PRPF3: variants seen among roughly 807,000 people sequenced by gnomAD.
PRPF3 encodes U4/U6 small nuclear ribonucleoprotein Prp3.
A neutral mutation model predicts 89.2 loss-of-function variants in PRPF3; 3 were observed. The observed-to-expected ratio is 0.03, with a 90% CI of 0.02 to 0.09. The LOEUF is 0.09. Among genes scored for constraint, PRPF3 ranks in the 10% least tolerant of loss-of-function variants. The probability of loss-of-function intolerance (pLI) is 1.00; values close to 1 mark genes in which losing one functional copy is unlikely to be tolerated. For synonymous variants in PRPF3, 270 were observed against 289.1 expected (o/e 0.93, Z 0.67); for missense variants, 463 against 828.8 (o/e 0.56, Z 5.42).
chr1:150,338,703 CAG>C (rs1211676353), intron 8 of PRPF3, among the ~76,000 whole-genome samples: 2 of 152,128 alleles, frequency 1.3e-5, no homozygotes, highest in African/African-American at 4.8e-5. Flanking sequence ...TTGATAGAGA[CAG>C]GGTTTTGCCA....
At chr1:150,344,126 C>T (rs1553872182) in intron 10 of PRPF3, 36 bp from the exon 11 acceptor site, 2 of 1,566,850 alleles carry the variant, frequency 1.3e-6, no homozygotes, top group Non-Finnish European at 1.8e-6. Flanking sequence ...GGAGAAGTGA[C>T]TTCAAAGACT....
intron 4 of PRPF3, chr1:150,329,733 T>G (rs1553864886): frequency 6.6e-6 from 1 of 152,196 alleles, no homozygotes; most frequent in Non-Finnish European, 1.5e-5. Context: ...TTTGCATATA[T>G]GTGATATTTA....
At chr1:150,329,264 A>G (rs1361461588) in intron 4 of PRPF3, among the ~76,000 whole-genome samples, 1 of 152,080 alleles carries the variant, frequency 6.6e-6, no homozygotes, top group Admixed American at 6.6e-5. Flanking sequence ...TCCTGGCCTC[A>G]AGTGATCTGC....
intron 7 of PRPF3, among the ~76,000 whole-genome samples, chr1:150,337,655 G>A (rs1657177973): frequency 6.6e-6 from 1 of 151,646 alleles, no homozygotes; most frequent in Non-Finnish European, 1.5e-5. Context: ...ATGGGCGCCT[G>A]TAGTCCCAGC....
intron 7 of PRPF3, among the ~76,000 whole-genome samples, chr1:150,337,857 C>T (rs1553868566): frequency 6.6e-6 from 1 of 152,018 alleles, no homozygotes; most frequent in African/African-American, 2.4e-5. Context: ...GGCAGATCAC[C>T]TGAGGTCGGG....
intron 14 of PRPF3, among the ~76,000 whole-genome samples, chr1:150,348,460 A>ATTTTTTTTTTTTTT (rs1185909509): frequency 0.049 from 2,374 of 48,332 alleles, 785 homozygotes; most frequent in East Asian, 0.16. Flanking sequence ...CTACACGTGC[A>ATTTTTTTTTTTTTT]TTTTTTTTTT....
chr1:150,352,393 CG>C (rs1659022338), intron 15 of PRPF3, among the ~76,000 whole-genome samples: 1 of 152,190 alleles, frequency 6.6e-6, no homozygotes, highest in African/African-American at 2.4e-5. Context: ...AGGCCGGGCG[CG>C]GTGGCTCACG....
At chr1:150,352,778 A>G (rs1553874684) in intron 15 of PRPF3, 55 bp from the exon 16 acceptor site, 6 of 1,559,210 alleles carry the variant, frequency 3.8e-6, no homozygotes, top group East Asian at 4.7e-5. Flanking sequence ...ATAAAAGAAT[A>G]TTATCTGATT....
chr1:150,343,207 A>C, intron 9 of PRPF3, 102 bp from the exon 10 acceptor site: 1 of 725,868 alleles, frequency 1.4e-6, no homozygotes. Context: ...GTGCCATTGC[A>C]CTCCAACCTG....
chr1:150,345,964 C>A, intron 12 of PRPF3, 54 bp from the exon 13 acceptor site: 1 of 1,370,600 alleles, frequency 7.3e-7, no homozygotes, highest in Non-Finnish European at 1.0e-6. Context: ...CCACTCCATT[C>A]AGGCAGCTGC....
rs2101943634 is a variant in PRPF3 at position 150,325,044 on chromosome 1, A to T, written c.102A>T (p.Ala34=). The part of the protein sequence containing the change: ...GFSEPTVVTA[A]LNCVGKGMDK... ...CAGAGCCTACGGTGGTCACAGCAGCATTGAACTGTGTGGGGAAGGGCATGG... is the reference window on the plus strand; with the variant it reads ...CAGAGCCTACGGTGGTCACAGCAGCTTTGAACTGTGTGGGGAAGGGCATGG... Residue 34 remains alanine (A), a synonymous_variant, in exon 2 of 16, where the codon GCA becomes GCT. Transcript: ENST00000324862. The T allele has an allele frequency of 2.5e-6, 4 of 1,613,964 alleles. No homozygotes were observed. The highest frequency in any genetic ancestry group is 2.5e-6 in the Non-Finnish European group (3 of 1,179,932).
Position 150,353,108 on chromosome 1 carries a change from A to G in PRPF3, c.*129A>G. 7.9e-7 allele frequency: 1 copy of G among 1,269,552 alleles called. No individual in the cohort carries two copies. Among genetic ancestry groups the G allele is most frequent in the African/African-American group, 1.5e-5 (1 of 68,114 alleles). The allele number at this position is 1,269,552 out of a possible 1,614,324, so 78.6% of individuals were successfully genotyped here. A position where few individuals can be genotyped will look rare whatever the true frequency, so the allele number is the denominator to read the frequency against. On this transcript the variant is annotated 3_prime_UTR_variant, in exon 16 of 16. Transcript: ENST00000324862. The stretch of plus-strand genomic sequence containing the variant: ...CTGTGCCAAGCAGACACTGGGACAA[A>G]GGGAGAATATCTTGCTCCCCTCCTG...
intron 3 of PRPF3, chr1:150,327,585 G>A (rs1553864147): frequency 6.1e-6 from 6 of 985,696 alleles, no homozygotes; most frequent in South Asian, 4.7e-5. Flanking sequence ...GCCCCTGGCC[G>A]AGGATATGTC....
intron 12 of PRPF3, 189 bp from the exon 13 acceptor site, chr1:150,345,829 A>G (rs1478498393): frequency 3.0e-6 from 2 of 658,486 alleles, no homozygotes; most frequent in African/African-American, 3.6e-5. Flanking sequence ...GACTTTGAAG[A>G]AATGTAAGAG....
At position 150,348,217 on chromosome 1, in the gene PRPF3, A is replaced by G. The variant is rs372441771; in HGVS notation, c.1844-940A>G. Among the ~76,000 whole-genome samples the G allele has an allele frequency of 7.3e-5, 11 of 151,668 alleles. No individual in the cohort carries two copies. The South Asian group carries it at 8.3e-4, about 11-fold the overall frequency. On this transcript the variant is annotated intron_variant, in intron 14 of 15. Transcript: ENST00000324862. Reference sequence around the variant, plus strand: ...GACATGGTGAAACCCCGTCTCTACTAAAAAATACAAAAATGAGCTGGGCGT... The same window carrying G: ...GACATGGTGAAACCCCGTCTCTACTGAAAAATACAAAAATGAGCTGGGCGT...
chr1:150,347,028 G>C (rs587733500), intron 14 of PRPF3, among the ~76,000 whole-genome samples: 1 of 152,096 alleles, frequency 6.6e-6, no homozygotes, highest in African/African-American at 2.4e-5. Context: ...GGAGGTCGAG[G>C]CTGCAGTAAG....
In PRPF3 at chr1:150,352,966, A is replaced by G. The variant is rs1553874770; in HGVS notation, c.2039A>G (p.Glu680Gly). The change falls in exon 16 of 16, where the codon GAG becomes GGG. Residue 680 changes from glutamate to glycine, a missense_variant. Glu to Gly is a moderately conservative substitution (Grantham distance 98). Around this residue, in one of 8 missense-constraint regions of PRPF3, gnomAD observed 78 missense variants for 96.6 expected, o/e 0.81. Coordinates refer to ENST00000324862, the MANE Select transcript of PRPF3 (RefSeq NM_004698.4). Reference sequence around the variant, plus strand: ...CTTGCGCTGAGTGAATCTGTGTTAGAGTCCACTGATTGAGACTACTGCAAG... The same window carrying G: ...CTTGCGCTGAGTGAATCTGTGTTAGGGTCCACTGATTGAGACTACTGCAAG... ...WDLALSESVL[E>G]STD The G allele has an allele frequency of 6.2e-7, 1 of 1,614,070 alleles. No homozygotes were observed.
chr1:150,333,214 C>T lies in PRPF3; in HGVS notation c.728+15C>T. On this transcript the variant is annotated intron_variant, in intron 6 of 15. Transcript: ENST00000324862. ...ATTGCTCCCCCGTGAGTGTCTATTT[C>T]ATGGAATACCTTTTCATTTCTGAAG... The T allele has an allele frequency of 6.2e-7, 1 of 1,610,884 alleles. No homozygotes were observed. The highest frequency in any genetic ancestry group is 1.3e-5 in the African/African-American group (1 of 74,956).
chr1:150,345,959 C>A, intron 12 of PRPF3, 59 bp from the exon 13 acceptor site: 2 of 1,311,000 alleles, frequency 1.5e-6, no homozygotes, highest in Non-Finnish European at 2.2e-6. Context: ...ACTTGCCACT[C>A]CATTCAGGCA....
Sources: gnomAD v4.1 joint callset for allele counts (sites outside exome capture counted in the v4.1 genomes callset) on GRCh38, gnomAD v4.1.1 for gene constraint, gnomAD v4.1.1 regional missense constraint, MANE v1.5 for transcripts, NCBI Gene and HGNC (gene_info 2026-07-23, HGNC 2026-07-21) for gene names.